KNTC1: variants seen among roughly 807,000 people sequenced by gnomAD.
KNTC1 encodes the protein kinetochore associated 1.
A neutral mutation model predicts 314.4 loss-of-function variants in KNTC1; 253 were observed. The observed-to-expected ratio is 0.80, with a 90% CI of 0.73 to 0.89. The LOEUF (loss-of-function observed/expected upper bound fraction) is 0.89, where lower values mean the gene tolerates loss of function less well. KNTC1 is among the 40% of genes least tolerant of loss of function. The probability of loss-of-function intolerance (pLI) is 0.00; values close to 1 mark genes in which losing one functional copy is unlikely to be tolerated. For synonymous variants in KNTC1, 901 were observed against 901.4 expected, an observed-to-expected ratio of 1.00 and a Z score of 0.01; for missense variants, 2,475 against 2,572.9, an observed-to-expected ratio of 0.96 and a Z score of 0.82.
At chr12:122,566,136 T>A (rs1293172550) in intron 20 of KNTC1, among the ~76,000 whole-genome samples, 1 of 151,952 alleles carries the variant, frequency 6.6e-6, no homozygotes, top group East Asian at 1.9e-4. Context: ...AGAGATGGGG[T>A]TTCACTGTGT....
At chr12:122,590,799 GTTGGTTTTGCCACCTGTTCTTAAAGAT>G in intron 41 of KNTC1, 64 bp downstream of exon 41, 1 of 1,512,934 alleles carries the variant, frequency 6.6e-7, no homozygotes, top group African/African-American at 1.4e-5. Context: ...GAGAAATGAA[GTTGGTTTTGCCACCTGTTCTTAAAGAT>G]TTAGTAGAAG....
chr12:122,535,007 C>A (rs1451411952), intron 3 of KNTC1, among the ~76,000 whole-genome samples: 1 of 152,148 alleles, frequency 6.6e-6, no homozygotes, highest in Non-Finnish European at 1.5e-5. Flanking sequence ...AGGGGAAATA[C>A]ACATGTAAAG....
chr12:122,555,031 C>T (rs567556520), intron 16 of KNTC1, among the ~76,000 whole-genome samples: 8 of 151,328 alleles, frequency 5.3e-5, no homozygotes, highest in African/African-American at 4.9e-5. Context: ...AGTGACAGAG[C>T]GAGATCTTGT....
chr12:122,527,289 T>C lies in KNTC1; in HGVS notation c.-136T>C, dbSNP rs1593454223. The stretch of plus-strand genomic sequence containing the variant: ...CATGGAACCTAAAGACTAGAGGCGG[T>C]TGTGTGAGTCAGGAAGAGGGGCCAG... On this transcript the variant is annotated 5_prime_UTR_variant, in exon 1 of 64. Transcript: ENST00000333479. 1 of 213,136 alleles carries C rather than the reference T, an allele frequency of 4.7e-6. No homozygotes were observed. Among genetic ancestry groups the C allele is most frequent in the Admixed American group, 5.7e-5 (1 of 17,602 alleles). 13.2% of individuals were successfully genotyped at this position (213,136 alleles called of 1,614,324 possible).
chr12:122,544,611 A>C (rs1427494149), intron 8 of KNTC1, among the ~76,000 whole-genome samples: 7 of 152,204 alleles, frequency 4.6e-5, no homozygotes, highest in Admixed American at 4.6e-4. Context: ...CTTGAAATAA[A>C]TATTTACACA....
chr12:122,615,202 C>T (rs1310031443), intron 56 of KNTC1, 116 bp downstream of exon 56: 2 of 833,630 alleles, frequency 2.4e-6, no homozygotes, highest in Non-Finnish European at 3.8e-6. Flanking sequence ...AACACAGTCA[C>T]TCTCACTGAG....
intron 5 of KNTC1, among the ~76,000 whole-genome samples, chr12:122,541,465 G>C (rs1181282041): frequency 1.3e-5 from 2 of 150,918 alleles, no homozygotes; most frequent in African/African-American, 2.4e-5. Context: ...TCCTGCCTCA[G>C]CCTCCTGAGT....
intron 42 of KNTC1, 22 bp from the exon 43 acceptor site, chr12:122,594,254 G>T (rs780763526): frequency 1.4e-6 from 2 of 1,413,128 alleles, no homozygotes; most frequent in African/African-American, 1.4e-5. Context: ...TTTTTGCTTT[G>T]TTTTTTTCTT....
chr12:122,551,940 C>T (rs578102886), intron 16 of KNTC1, among the ~76,000 whole-genome samples: 1 of 151,380 alleles, frequency 6.6e-6, no homozygotes, highest in Non-Finnish European at 1.5e-5. Context: ...TGGAGTCTTA[C>T]TCTGTTGCCC....
chr12:122,532,210 T>C (rs1217791199), intron 2 of KNTC1, among the ~76,000 whole-genome samples: 13 of 131,742 alleles, frequency 9.9e-5, no homozygotes, highest in South Asian at 4.5e-4. Flanking sequence ...ATTTTTCTTT[T>C]TTTTTTTTTT....
intron 49 of KNTC1, 48 bp downstream of exon 49, chr12:122,604,685 T>G: frequency 1.5e-6 from 2 of 1,356,014 alleles, no homozygotes; most frequent in Non-Finnish European, 2.1e-6. Flanking sequence ...CCTAATTAAA[T>G]TGTACTAGCT....
intron 50 of KNTC1, 33 bp downstream of exon 50, chr12:122,605,120 A>G (rs1230140921): frequency 1.3e-6 from 2 of 1,549,922 alleles, no homozygotes; most frequent in Non-Finnish European, 1.8e-6. Context: ...GTTGTCCAAG[A>G]AAAGCTATTA....
At chr12:122,609,472 A>G (rs774785006) in intron 52 of KNTC1, 42 bp downstream of exon 52, 18 of 1,280,502 alleles carry the variant, frequency 1.4e-5, no homozygotes, top group Non-Finnish European at 2.0e-5. Flanking sequence ...ATCGTGATGC[A>G]AAATAGAAAT....
chr12:122,533,826 A>C (rs943247575), intron 2 of KNTC1, among the ~76,000 whole-genome samples: 1 of 150,702 alleles, frequency 6.6e-6, no homozygotes, highest in Non-Finnish European at 1.5e-5. Flanking sequence ...TCAGGGAAGA[A>C]TAGGACTGGT....
chr12:122,618,579 A>G, intron 59 of KNTC1, 34 bp downstream of exon 59: 1 of 1,557,324 alleles, frequency 6.4e-7, no homozygotes, highest in Non-Finnish European at 8.8e-7. Flanking sequence ...AAAAAAAAAA[A>G]AAGTTTGTTG....
Position 122,541,261 on chromosome 12 carries a change from T to TTGCCTGCC in KNTC1, c.446-767_446-760dup, listed in dbSNP as rs201311150. Among the ~76,000 whole-genome samples, 640 of 137,310 alleles carry TTGCCTGCC rather than the reference T, an allele frequency of 4.7e-3. 14 individuals are homozygous for TTGCCTGCC. Among genetic ancestry groups the TTGCCTGCC allele is most frequent in the African/African-American group, 0.017 (581 of 34,268 alleles). The allele number at this position is 137,310 out of a possible 152,430, so 90.1% of individuals were successfully genotyped here. On this transcript the variant is annotated intron_variant, in intron 5 of 63. Transcript: ENST00000333479. The stretch of plus-strand genomic sequence containing the variant: ...AGTTCCAGATACTGTTTGTTTGTGC[T>TTGCCTGCC]TGCCTGCCTGCCTGCCTGCCTGCCT...
intron 12 of KNTC1, among the ~76,000 whole-genome samples, chr12:122,549,532 T>C (rs1963042959): frequency 6.6e-6 from 1 of 151,880 alleles, no homozygotes; most frequent in Non-Finnish European, 1.5e-5. Flanking sequence ...CACACCAGGC[T>C]AATTTTTTGT....
rs1266387574 is a variant in KNTC1, at chr12:122,618,470, T to G, written c.6086-12T>G. ...TGTGTATATCATGGTTGTTTTTTTG[T>G]TTTGTTTTCAGCCTCTTGTCCTTTA... is the stretch of plus-strand genomic sequence containing the variant. On this transcript the variant is annotated splice_polypyrimidine_tract_variant and intron_variant, in intron 58 of 63. Coordinates refer to ENST00000333479, the MANE Select transcript of KNTC1 (RefSeq NM_014708.6). The G allele has an allele frequency of 8.1e-6, 13 of 1,609,588 alleles. No homozygotes were observed. The highest frequency in any genetic ancestry group is 1.4e-5 in the African/African-American group (1 of 71,930).
chr12:122,544,066 A>T, intron 7 of KNTC1, 93 bp from the exon 8 acceptor site: 1 of 548,558 alleles, frequency 1.8e-6, no homozygotes, highest in African/African-American at 2.0e-5. Context: ...AAAAAAAAAA[A>T]ATTTATAACT....
Sources: allele counts gnomAD v4.1 joint callset (sites outside exome capture counted in the v4.1 genomes callset), GRCh38; gene constraint gnomAD v4.1.1; transcripts MANE v1.5; gene names NCBI Gene and HGNC (gene_info 2026-07-23, HGNC 2026-07-21).